The following CCDC78 variants were observed in gnomAD, a reference collection of about 807,000 sequenced individuals.
The protein encoded by CCDC78 is coiled-coil domain containing 78, also known as coiled-coil domain-containing protein 78.
Under a neutral mutation model 61.9 loss-of-function variants are expected in CCDC78, and 78 were observed. The observed-to-expected ratio is 1.26, with a 90% CI of 1.05 to 1.52. CCDC78 has a LOEUF of 1.52. CCDC78 is among the 40% of genes most tolerant of loss of function. CCDC78 has a pLI of 0.00. For missense variants in CCDC78, 737 were observed against 615.5 expected, an observed-to-expected ratio of 1.20 and a Z score of -2.09; for synonymous variants, 287 against 251.9, an observed-to-expected ratio of 1.14 and a Z score of -1.32.
intron 7 of CCDC78, 50 bp downstream of exon 7, chr16:724,861 T>G: frequency 1.2e-6 from 2 of 1,605,022 alleles, no homozygotes; most frequent in Non-Finnish European, 1.7e-6. Context: ...CGGCTGAGCT[T>G]CTGGGGCCCC....
At chr16:724,538 G>A (rs1209824740) in intron 8 of CCDC78, 29 bp from the exon 9 acceptor site, 1 of 1,578,674 alleles carries the variant, frequency 6.3e-7, no homozygotes, top group South Asian at 1.1e-5. Flanking sequence ...GTCCGCATGG[G>A]GCCCACCCCC....
At chr16:726,602 C>T (rs1289567934), upstream of CCDC78, 3 of 591,806 alleles carry the variant, frequency 5.1e-6, no homozygotes, top group Admixed American at 3.4e-5. Context: ...GGCCCAGCGC[C>T]CCCTGCACAT....
chr16:725,593 T>G lies in CCDC78; in HGVS notation c.268-13A>C, dbSNP rs1360321195. 6.2e-7 allele frequency: 1 copy of G among 1,603,020 alleles called. No homozygotes were observed. The highest frequency in any genetic ancestry group is 8.5e-7 in the Non-Finnish European group (1 of 1,174,988). On this transcript the variant is annotated splice_polypyrimidine_tract_variant and intron_variant, in intron 3 of 13. Coordinates refer to ENST00000345165, the MANE Select transcript of CCDC78 (RefSeq NM_001378030.1). The stretch of plus-strand genomic sequence containing the variant: ...CCAGCCGAAGGATCTGTGGGACAAC[T>G]GGCATGAGCAGGTGCACCTGCCCGC...
Position 724,423 on chromosome 16 carries a change from C to T in CCDC78, c.852G>A (p.Ala284=), listed in dbSNP as rs561702421. 2.3e-5 allele frequency: 37 copies of T among 1,608,652 alleles called. No individual in the cohort carries two copies. Among genetic ancestry groups the T allele is most frequent in the South Asian group, 3.3e-5 (3 of 91,062 alleles). ...LEATLEDIRA[A]HRSREQQLAR... is the part of the protein sequence containing the mutation. ...CCAGCTGCTGCTCACGGCTGCGGTG[C>T]GCTGCCCGGATGTCCTCCAGAGTCG... The change falls in exon 9 of 14, where the codon GCG becomes GCA. Residue 284 remains alanine, a synonymous_variant. Coordinates refer to ENST00000345165, the MANE Select transcript of CCDC78 (RefSeq NM_001378030.1).
chr16:726,718 C>T, upstream of CCDC78: 1 of 436,888 alleles, frequency 2.3e-6, no homozygotes, highest in Non-Finnish European at 4.3e-6. Context: ...CTGAGCTACA[C>T]TCGCTGGACA....
rs751250054 is a variant in CCDC78 at position 724,690 on chromosome 16, C to T, written c.756G>A (p.Trp252Ter). 1 of 1,610,578 alleles carries T rather than the reference C, an allele frequency of 6.2e-7. No individual in the cohort carries two copies. Among genetic ancestry groups the T allele is most frequent in the Non-Finnish European group, 8.5e-7 (1 of 1,179,638 alleles). The change falls in exon 8 of 14, where the codon TGG (tryptophan) becomes TGA (stop). Residue 252 changes from tryptophan (W) to a stop codon, truncating the protein, a stop_gained. Transcript: ENST00000345165. LOFTEE classifies it high-confidence loss of function. Reference protein sequence around the residue: ...EYVLRLQHCAWQAVEHADGAG... With the variant: ...EYVLRLQHCA ...CTCCTGCAGGGCTCACCACTGCCTG[C>T]CAGGCGCAGTGTTGCAGCCGTAGGA...
At chr16:724,268 C>T in intron 9 of CCDC78, 54 bp downstream of exon 9, 3 of 1,592,050 alleles carry the variant, frequency 1.9e-6, no homozygotes, top group Non-Finnish European at 2.6e-6. Flanking sequence ...CTTTGAGGCA[C>T]AGAGGCTTAG....
At chr16:723,702 G>A (rs2040499113) in intron 11 of CCDC78, 155 bp downstream of exon 11, 2 of 731,374 alleles carry the variant, frequency 2.7e-6, no homozygotes, top group African/African-American at 1.7e-5. Context: ...GACCCACGGA[G>A]GGACCCCAGG....
chr16:725,627 TG>T (rs1202600562), intron 3 of CCDC78, 47 bp from the exon 4 acceptor site: 1 of 1,590,596 alleles, frequency 6.3e-7, no homozygotes. Context: ...GCGGGCCACC[TG>T]GGGTAGGTGA....
intron 11 of CCDC78, 98 bp from the exon 12 acceptor site, chr16:723,259 G>A (rs948847868): frequency 7.7e-7 from 1 of 1,297,012 alleles, no homozygotes; most frequent in Non-Finnish European, 1.1e-6. Context: ...GAGCCGGGAG[G>A]GGACACCTGG....
At chr16:725,032 G>C in intron 6 of CCDC78, 43 bp from the exon 7 acceptor site, 1 of 1,612,544 alleles carries the variant, frequency 6.2e-7, no homozygotes, top group Non-Finnish European at 8.5e-7. Flanking sequence ...ACGATCAGGG[G>C]TTCTCTCTGC....
rs776791924 is a variant in CCDC78, at chr16:724,222, G to C, written c.954-17C>G. The C allele has an allele frequency of 6.3e-7, 1 of 1,587,764 alleles. No individual in the cohort carries two copies. Among genetic ancestry groups the C allele is most frequent in the Non-Finnish European group, 8.6e-7 (1 of 1,165,576 alleles). On this transcript the variant is annotated splice_polypyrimidine_tract_variant and intron_variant, in intron 9 of 13. Coordinates refer to ENST00000345165, the MANE Select transcript of CCDC78 (RefSeq NM_001378030.1). ...CCAGGTGCCCTGTCAGGGTAGGCTA[G>C]TGTCTGTCTGGGGCCACTCCTGCTG...
rs762337009 is a variant in CCDC78, at chr16:725,081, C to T, written c.557G>A (p.Arg186His). 3.0e-5 allele frequency: 49 copies of T among 1,612,584 alleles called. No homozygotes were observed. The highest frequency in any genetic ancestry group is 6.6e-5 in the South Asian group (6 of 91,090). ...CCCAGGTGAGATGGCCACTCACACA[C>T]GCGTCACCAGTGCCTGCTGCCGGGC... ...QEARQQALVT[R>H]VATLGRQLQG... is the part of the protein sequence containing the mutation. Residue 186 changes from arginine to histidine, a missense_variant, in exon 6 of 14, where the codon CGT becomes CAT. Arg to His is a conservative substitution (Grantham distance 29). Transcript: ENST00000345165.
In CCDC78 at chr16:724,469, GC is replaced by G. The variant is rs1315306679; in HGVS notation, c.805del (p.Ala269ProfsTer38). 6.2e-6 allele frequency: 10 copies of G among 1,601,420 alleles called. No individual in the cohort carries two copies. Among genetic ancestry groups the G allele is most frequent in the Non-Finnish European group, 7.6e-6 (9 of 1,179,712 alleles). ...AGTCGCCTCCAGGAATGTCCGGAGG[GC>G]CGTGGTGGCTGGCGCTTGGCCTGCA... ...DGAGQAPATT[A>X]LRTFLEATLE... On this transcript the variant is annotated frameshift_variant, in exon 9 of 14. Coordinates refer to ENST00000345165, the MANE Select transcript of CCDC78 (RefSeq NM_001378030.1). LOFTEE classifies it high-confidence loss of function.
rs771592747 is a variant in CCDC78, at chr16:725,743, C to T, written c.267+51G>A. 8 of 1,577,070 alleles carry T rather than the reference C, an allele frequency of 5.1e-6. No homozygotes were observed. The African/African-American group carries it at 6.7e-5, about 13-fold the overall frequency. ...GCCCATGCAGGGCACGTGTCCTGGG[C>T]CTGCACCCCCCGTCCCCCATGCACT... On this transcript the variant is annotated intron_variant, in intron 3 of 13. Transcript: ENST00000345165.
Position 724,794 on chromosome 16 carries a change from A to G in CCDC78, c.652T>C (p.Cys218Arg), listed in dbSNP as rs964496593. 3 of 1,612,174 alleles carry G rather than the reference A, an allele frequency of 1.9e-6. No individual in the cohort carries two copies. The highest frequency in any genetic ancestry group is 2.5e-6 in the Non-Finnish European group (3 of 1,179,786). Reference protein sequence around the residue: ...LATQAVVLCSCQGQLRQAEAE... With the variant: ...LATQAVVLCSRQGQLRQAEAE... The stretch of plus-strand genomic sequence containing the variant: ...TCTGCCTGACGGAGCTGGCCTTGGC[A>G]GCTGCACAGCACCTGGGGTGGAAGC... Residue 218 changes from cysteine to arginine, a missense_variant, in exon 8 of 14, where the codon TGC (cysteine) becomes CGC (arginine). By Grantham distance (180) the Cys-to-Arg change is radical. Transcript: ENST00000345165.
chr16:724,460 G>T lies in CCDC78; in HGVS notation c.815C>A (p.Thr272Lys). 1 of 1,602,924 alleles carries T rather than the reference G, an allele frequency of 6.2e-7. No individual in the cohort carries two copies. The change falls in exon 9 of 14, where the codon ACA becomes AAA. Residue 272 changes from threonine to lysine, a missense_variant. Transcript: ENST00000345165. ...GTCCTCCAGAGTCGCCTCCAGGAAT[G>T]TCCGGAGGGCCGTGGTGGCTGGCGC... is the stretch of plus-strand genomic sequence containing the variant. Reference protein sequence around the residue: ...GQAPATTALRTFLEATLEDIR... With the variant: ...GQAPATTALRKFLEATLEDIR...
rs1156775580 is a variant in CCDC78 at position 722,718 on chromosome 16, G to C, written c.1373C>G (p.Pro458Arg). The C allele has an allele frequency of 6.2e-7, 1 of 1,610,380 alleles. No homozygotes were observed. Among genetic ancestry groups the C allele is most frequent in the Non-Finnish European group, 8.5e-7 (1 of 1,179,942 alleles). The change falls in exon 14 of 14, where the codon CCT becomes CGT. Residue 458 changes from proline (P) to arginine (R), a missense_variant. Physicochemically the swap from Pro to Arg is moderately radical, Grantham distance 103. Transcript: ENST00000345165. ...CCTTGGATGCTGGGGCTTGGCTGGA[G>C]GCACAGCCCCCACTTTCCAGGGGTC... ...AGDPWKVGAVPPAKPQHPRTG... is the reference protein window; with the variant it reads ...AGDPWKVGAVRPAKPQHPRTG...
intron 9 of CCDC78, 31 bp downstream of exon 9, chr16:724,291 G>T: frequency 6.2e-7 from 1 of 1,602,010 alleles, no homozygotes; most frequent in Non-Finnish European, 8.5e-7. Context: ...ACCCACAGAT[G>T]CCTGACACCT....
Sources: gnomAD v4.1 joint callset for allele counts on GRCh38, gnomAD v4.1.1 for gene constraint, MANE v1.5 for transcripts, NCBI Gene and HGNC (gene_info 2026-07-23, HGNC 2026-07-21) for gene names.